Variants in TPP2 observed in about 807,000 individuals in gnomAD.
The protein encoded by TPP2 is tripeptidyl peptidase 2.
A neutral mutation model predicts 155.9 loss-of-function variants in TPP2; 34 were observed. The observed-to-expected ratio is 0.22, with a 90% CI of 0.17 to 0.29. The LOEUF (loss-of-function observed/expected upper bound fraction) is 0.29. Ranked by LOEUF, TPP2 falls within the 10% of genes least tolerant of loss-of-function variation. The pLI is 1.00. For missense variants in TPP2, 1,028 were observed against 1,522.3 expected (o/e 0.68, Z 5.40); for synonymous variants, 510 against 529.4 (o/e 0.96, Z 0.50).
chr13:102,628,492 G>A (rs888862203), intron 8 of TPP2, among the ~76,000 whole-genome samples: 2 of 151,974 alleles, frequency 1.3e-5, no homozygotes, highest in Non-Finnish European at 2.9e-5. Context: ...TCACTAACTC[G>A]GTCAGTTTTC....
At chr13:102,654,318 A>T in intron 24 of TPP2, among the ~76,000 whole-genome samples, 1 of 152,288 alleles carries the variant, frequency 6.6e-6, no homozygotes, top group Non-Finnish European at 1.5e-5. Flanking sequence ...TTAATTTGAT[A>T]TATTTAACAT....
chr13:102,630,411 G>C (rs1881941494), intron 10 of TPP2, among the ~76,000 whole-genome samples: 1 of 152,196 alleles, frequency 6.6e-6, no homozygotes, highest in South Asian at 2.1e-4. Context: ...ACTATTCTGA[G>C]TATAAATTCT....
At position 102,657,196 on chromosome 13, in the gene TPP2, G is replaced by T. The variant is rs1477629862; in HGVS notation, c.3132G>T (p.Gln1044His). Residue 1044 changes from glutamine to histidine, a missense_variant, in exon 25 of 30, where the codon CAG becomes CAT. By Grantham distance (24) the Gln-to-His change is conservative. Coordinates refer to ENST00000376052, the MANE Select transcript of TPP2 (RefSeq NM_001330588.2). Reference protein sequence around the residue: ...FTEALRDLKIQWMTKLDSSDI... With the variant: ...FTEALRDLKIHWMTKLDSSDI... ...AAGCATTACGAGATCTTAAAATTCAGTGGATGACAAAGTAGGTTTTTAAAT... is the reference window on the plus strand; with the variant it reads ...AAGCATTACGAGATCTTAAAATTCATTGGATGACAAAGTAGGTTTTTAAAT... 2.5e-6 allele frequency: 4 copies of T among 1,573,242 alleles called. No individual in the cohort carries two copies. The highest frequency in any genetic ancestry group is 4.3e-5 in the Admixed American group (2 of 46,050).
At chr13:102,636,487 G>T (rs943791633) in intron 13 of TPP2, 95 bp downstream of exon 13, 1 of 1,366,114 alleles carries the variant, frequency 7.3e-7, no homozygotes, top group African/African-American at 1.5e-5. Flanking sequence ...CCAGTGTTGT[G>T]AAGAGAATAC....
chr13:102,616,947 C>T (rs1468915870), intron 4 of TPP2, among the ~76,000 whole-genome samples: 1 of 151,204 alleles, frequency 6.6e-6, no homozygotes, highest in Non-Finnish European at 1.5e-5. Flanking sequence ...GAGTCTCGCT[C>T]TGTTCCAGGC....
rs561700666 is a variant in TPP2 at position 102,660,444 on chromosome 13, A to G, written c.3144-3204A>G. On this transcript the variant is annotated intron_variant, in intron 25 of 29. Coordinates refer to ENST00000376052, the MANE Select transcript of TPP2 (RefSeq NM_001330588.2). ...TGTGTAGGAACATGTTTAACAAGAGATGTAAGAATTATACGTCAAAACTAC... is the reference window on the plus strand; with the variant it reads ...TGTGTAGGAACATGTTTAACAAGAGGTGTAAGAATTATACGTCAAAACTAC... Among the ~76,000 whole-genome samples the G allele has an allele frequency of 7.5e-4, 115 of 152,332 alleles. 1 individual carries two copies. Among genetic ancestry groups the G allele is most frequent in the Non-Finnish European group, 1.8e-4 (12 of 68,020 alleles).
intron 14 of TPP2, among the ~76,000 whole-genome samples, chr13:102,637,692 T>C (rs747879838): frequency 3.3e-5 from 5 of 152,108 alleles, no homozygotes; most frequent in Non-Finnish European, 5.9e-5. Context: ...CTAGGACTAG[T>C]GGCGTGCACC....
intron 27 of TPP2, among the ~76,000 whole-genome samples, chr13:102,666,019 T>TTTG (rs1018619994): frequency 2.6e-5 from 4 of 152,230 alleles, no homozygotes; most frequent in Middle Eastern, 3.2e-3. Flanking sequence ...ACATTGCCAT[T>TTTG]TTGTTGTTGT....
In TPP2 at chr13:102,634,110, C is replaced by T; in HGVS notation, c.1393+12C>T. 1.2e-6 allele frequency: 2 copies of T among 1,613,836 alleles called. No individual in the cohort carries two copies. The highest frequency in any genetic ancestry group is 1.7e-6 in the Non-Finnish European group (2 of 1,179,806). On this transcript the variant is annotated intron_variant, in intron 11 of 29. Transcript: ENST00000376052. ...CCTGATCCTTTCAGGTAAGCGTGTTCTTTATTGTCCTTACATTATTGCAGA... is the reference window on the plus strand; with the variant it reads ...CCTGATCCTTTCAGGTAAGCGTGTTTTTTATTGTCCTTACATTATTGCAGA...
intron 2 of TPP2, among the ~76,000 whole-genome samples, chr13:102,607,444 T>TC (rs1291372968): frequency 1.3e-5 from 2 of 152,102 alleles, no homozygotes; most frequent in Non-Finnish European, 2.9e-5. Flanking sequence ...TGGCCTGTCT[T>TC]CCCCCAAGTC....
At chr13:102,611,732 T>G (rs1787052784) in intron 2 of TPP2, among the ~76,000 whole-genome samples, 1 of 152,216 alleles carries the variant, frequency 6.6e-6, no homozygotes, top group Non-Finnish European at 1.5e-5. Flanking sequence ...CATAGAGATA[T>G]TCTCCTATAT....
At chr13:102,643,782 T>G (rs1158936793) in intron 17 of TPP2, among the ~76,000 whole-genome samples, 1 of 152,242 alleles carries the variant, frequency 6.6e-6, no homozygotes, top group Non-Finnish European at 1.5e-5. Context: ...TGCTACTGCT[T>G]CATGTCTAAG....
intron 17 of TPP2, among the ~76,000 whole-genome samples, 192 bp downstream of exon 17, chr13:102,643,568 AT>A (rs1325682601): frequency 6.6e-6 from 1 of 152,204 alleles, no homozygotes. Flanking sequence ...GTTGGAGGTA[AT>A]TATGGCTGTA....
At chr13:102,657,387 A>G (rs560631127) in intron 25 of TPP2, among the ~76,000 whole-genome samples, 180 bp downstream of exon 25, 1 of 151,770 alleles carries the variant, frequency 6.6e-6, no homozygotes, top group South Asian at 2.1e-4. Context: ...AATTATAAAT[A>G]TATAATTTTG....
At chr13:102,670,502 A>G (rs1303152341) in intron 27 of TPP2, among the ~76,000 whole-genome samples, 1 of 152,238 alleles carries the variant, frequency 6.6e-6, no homozygotes, top group Non-Finnish European at 1.5e-5. Flanking sequence ...CCCTGGGGAC[A>G]TCTGTCCTAT....
intron 2 of TPP2, among the ~76,000 whole-genome samples, chr13:102,605,976 C>G (rs1339482649): frequency 6.6e-6 from 1 of 152,162 alleles, no homozygotes; most frequent in Non-Finnish European, 1.5e-5. Flanking sequence ...CCTGTCTCAG[C>G]CTCCCAAAGT....
At chr13:102,660,243 T>C (rs996425199) in intron 25 of TPP2, among the ~76,000 whole-genome samples, 1 of 151,896 alleles carries the variant, frequency 6.6e-6, no homozygotes, top group South Asian at 2.1e-4. Flanking sequence ...AATGTTCATT[T>C]AAAAATATTC....
intron 27 of TPP2, among the ~76,000 whole-genome samples, chr13:102,666,902 G>C (rs1156241108): frequency 1.3e-5 from 2 of 151,348 alleles, no homozygotes; most frequent in African/African-American, 4.8e-5. Flanking sequence ...TAAGAGTGGA[G>C]CTGCTTTAAG....
intron 25 of TPP2, among the ~76,000 whole-genome samples, chr13:102,658,552 CAA>C (rs1173977336): frequency 2.0e-5 from 3 of 152,096 alleles, no homozygotes; most frequent in Non-Finnish European, 2.9e-5. Context: ...TATTTAAAAA[CAA>C]AACAAAACAA....
Sources: gnomAD v4.1 joint callset for allele counts (sites outside exome capture counted in the v4.1 genomes callset) on GRCh38, gnomAD v4.1.1 for gene constraint, MANE v1.5 for transcripts, NCBI Gene and HGNC (gene_info 2026-07-23, HGNC 2026-07-21) for gene names.